Variants in NLGN1 observed in about 807,000 individuals in gnomAD.
The protein encoded by NLGN1 is neuroligin-1.
A neutral mutation model predicts 65.5 loss-of-function variants in NLGN1; 12 were observed. The ratio of observed to expected loss-of-function variants is 0.18; its 90% confidence interval spans 0.12 to 0.30. The LOEUF (loss-of-function observed/expected upper bound fraction) is 0.30. Among genes scored for constraint, NLGN1 ranks in the 10% least tolerant of loss-of-function variants. The probability of loss-of-function intolerance (pLI) is 1.00; values close to 1 mark genes in which losing one functional copy is unlikely to be tolerated. For missense variants in NLGN1, 750 were observed against 1,007.1 expected (o/e 0.74, Z 3.46); for synonymous variants, 350 against 359.5 (o/e 0.97, Z 0.30).
At chr3:173,762,402 A>G (rs1023994365) in intron 3 of NLGN1, among the ~76,000 whole-genome samples, 6 of 152,122 alleles carry the variant, frequency 3.9e-5, no homozygotes, top group African/African-American at 1.4e-4. Flanking sequence ...TACCTTTAAA[A>G]TGATAATAAA....
intron 3 of NLGN1, among the ~76,000 whole-genome samples, chr3:173,653,992 G>A (rs1759601749): frequency 6.6e-6 from 1 of 152,138 alleles, no homozygotes; most frequent in Non-Finnish European, 1.5e-5. Context: ...AGCCACATGA[G>A]TGAGTCTTCT....
At chr3:173,443,869 C>T (rs890185077) in intron 2 of NLGN1, among the ~76,000 whole-genome samples, 3 of 152,188 alleles carry the variant, frequency 2.0e-5, no homozygotes, top group Non-Finnish European at 2.9e-5. Flanking sequence ...TTTACACCTA[C>T]TCATGCTTAT....
At chr3:173,427,071 A>G (rs770332722) in intron 1 of NLGN1, among the ~76,000 whole-genome samples, 4 of 151,954 alleles carry the variant, frequency 2.6e-5, no homozygotes, top group Non-Finnish European at 5.9e-5. Flanking sequence ...GCTTCTAAGA[A>G]TTTATTCATG....
At chr3:173,724,621 G>T (rs1272131726) in intron 3 of NLGN1, among the ~76,000 whole-genome samples, 1 of 152,156 alleles carries the variant, frequency 6.6e-6, no homozygotes, top group Non-Finnish European at 1.5e-5. Flanking sequence ...GGAAGACAGT[G>T]TGGTGATTCC....
chr3:173,849,157 C>G (rs949257417), intron 4 of NLGN1, among the ~76,000 whole-genome samples: 1 of 151,992 alleles, frequency 6.6e-6, no homozygotes, highest in Non-Finnish European at 1.5e-5. Flanking sequence ...GAAAAAAATT[C>G]TTTTGCGTAG....
intron 4 of NLGN1, among the ~76,000 whole-genome samples, chr3:173,998,317 T>G (rs80170789): frequency 0.027 from 4,097 of 152,274 alleles, 139 homozygotes; most frequent in African/African-American, 0.084. Flanking sequence ...GCTTTTCCAT[T>G]CACATGGAAT....
chr3:173,765,869 T>C (rs1185032850), intron 3 of NLGN1, among the ~76,000 whole-genome samples: 2 of 152,188 alleles, frequency 1.3e-5, no homozygotes, highest in South Asian at 2.1e-4. Context: ...TGATATTTCA[T>C]CATCTCTTTC....
intron 3 of NLGN1, among the ~76,000 whole-genome samples, chr3:173,782,101 T>C (rs1781256685): frequency 6.6e-6 from 1 of 151,650 alleles, no homozygotes. Flanking sequence ...GAAGTGTCTT[T>C]TTTTTTAGTT....
chr3:174,169,705 C>T (rs1473781945), intron 4 of NLGN1, among the ~76,000 whole-genome samples: 10 of 152,048 alleles, frequency 6.6e-5, no homozygotes, highest in African/African-American at 1.9e-4. Context: ...CAATGGCACA[C>T]GCAGATCAGT....
chr3:173,885,323 C>T (rs1734132188), intron 4 of NLGN1, among the ~76,000 whole-genome samples: 1 of 151,828 alleles, frequency 6.6e-6, no homozygotes, highest in Non-Finnish European at 1.5e-5. Flanking sequence ...ATGATATCTG[C>T]CTAGTTCATT....
chr3:173,769,159 A>G (rs1779211460), intron 3 of NLGN1, among the ~76,000 whole-genome samples: 1 of 152,158 alleles, frequency 6.6e-6, no homozygotes, highest in Non-Finnish European at 1.5e-5. Flanking sequence ...GGAGGCATTA[A>G]TAGTGAACAT....
chr3:174,248,364 A>G (rs1338839989), intron 4 of NLGN1, among the ~76,000 whole-genome samples: 4 of 152,264 alleles, frequency 2.6e-5, no homozygotes, highest in Non-Finnish European at 5.9e-5. Flanking sequence ...TATAAAGAAT[A>G]TCCACCATTA....
intron 2 of NLGN1, among the ~76,000 whole-genome samples, chr3:173,531,815 T>C (rs1006533948): frequency 2.6e-5 from 4 of 152,110 alleles, no homozygotes; most frequent in African/African-American, 9.7e-5. Context: ...TATTTGATCC[T>C]TTTCTAAGTC....
chr3:173,750,207 C>T (rs562016353), intron 3 of NLGN1, among the ~76,000 whole-genome samples: 2 of 152,194 alleles, frequency 1.3e-5, no homozygotes, highest in Admixed American at 1.3e-4. Flanking sequence ...TCTCCTATCC[C>T]TTATAGCCCT....
chr3:173,671,505 C>T (rs956102791), intron 3 of NLGN1, among the ~76,000 whole-genome samples: 2 of 152,150 alleles, frequency 1.3e-5, no homozygotes, highest in African/African-American at 4.8e-5. Context: ...TTTACCTTAA[C>T]ATGGTTAACC....
intron 4 of NLGN1, among the ~76,000 whole-genome samples, chr3:173,983,543 G>A (rs1719224632): frequency 6.6e-6 from 1 of 152,152 alleles, no homozygotes; most frequent in African/African-American, 2.4e-5. Context: ...AATCTCTGGG[G>A]CTGGATTCCA....
chr3:173,635,365 C>T (rs142254380), intron 3 of NLGN1, among the ~76,000 whole-genome samples: 9 of 152,238 alleles, frequency 5.9e-5, no homozygotes, highest in African/African-American at 1.9e-4. Context: ...TGCATTAATT[C>T]TCATTGGTTC....
At chr3:173,991,747 A>T (rs773178715) in intron 4 of NLGN1, among the ~76,000 whole-genome samples, 2 of 152,180 alleles carry the variant, frequency 1.3e-5, no homozygotes, top group African/African-American at 2.4e-5. Context: ...CTTTAATAAA[A>T]TAGTCTGCAA....
intron 4 of NLGN1, among the ~76,000 whole-genome samples, chr3:174,000,543 CAGAG>C (rs1385056769): frequency 6.6e-6 from 1 of 152,078 alleles, no homozygotes; most frequent in Non-Finnish European, 1.5e-5. Context: ...AAAAAGGTAA[CAGAG>C]AGCCATAGTT....
Sources: gnomAD v4.1 joint callset for allele counts (sites outside exome capture counted in the v4.1 genomes callset) on GRCh38, gnomAD v4.1.1 for gene constraint, MANE v1.5 for transcripts, NCBI Gene and HGNC (gene_info 2026-07-23, HGNC 2026-07-21) for gene names.